The following DNAH1 variants were observed in gnomAD, a reference collection of about 807,000 sequenced individuals.
DNAH1 encodes the protein dynein axonemal heavy chain 1, also known as axonemal beta dynein heavy chain 1.
A neutral mutation model predicts 484.3 loss-of-function variants in DNAH1; 327 were observed. That is an observed-to-expected ratio of 0.68 (90% CI 0.62 to 0.74). DNAH1 has a LOEUF of 0.74. Among genes scored for constraint, DNAH1 ranks in the 30% least tolerant of loss-of-function variants. The probability of loss-of-function intolerance (pLI) is 0.00; values close to 1 mark genes in which losing one functional copy is unlikely to be tolerated. For missense variants in DNAH1, 5,052 were observed against 5,546.8 expected (o/e 0.91, Z 2.83); for synonymous variants, 2,192 against 2,191.9 (o/e 1.00, Z 0.00).
In DNAH1 at chr3:52,378,630, G is replaced by T; in HGVS notation, c.7227G>T (p.Thr2409=). 2 of 1,613,444 alleles carry T rather than the reference G, an allele frequency of 1.2e-6. No individual in the cohort carries two copies. The highest frequency in any genetic ancestry group is 1.7e-6 in the Non-Finnish European group (2 of 1,179,786). The part of the protein sequence containing the change: ...VPGAPHIAHF[T]EPLVEATIMV... The stretch of plus-strand genomic sequence containing the variant: ...GGGCCCCCCACATTGCCCACTTCAC[G>T]GAGCCCCTTGTGGAAGCCACCATCA... Residue 2409 remains threonine (T), a synonymous_variant, in exon 47 of 78, where the codon ACG becomes ACT. Coordinates refer to ENST00000420323, the MANE Select transcript of DNAH1 (RefSeq NM_015512.5).
chr3:52,319,173 A>G (rs965082410), intron 1 of DNAH1, among the ~76,000 whole-genome samples: 2 of 152,168 alleles, frequency 1.3e-5, no homozygotes, highest in Non-Finnish European at 2.9e-5. Flanking sequence ...CAATAATAGT[A>G]GTATCTGCTG....
At chr3:52,373,573 TG>T in intron 44 of DNAH1, 1 of 1,483,158 alleles carries the variant, frequency 6.7e-7, no homozygotes, top group Non-Finnish European at 9.4e-7. Flanking sequence ...CAGCCCATAG[TG>T]AAGAAAGACA....
At position 52,379,849 on chromosome 3, in the gene DNAH1, G is replaced by C; in HGVS notation, c.7378-56G>C. ...CACCCTCCCTTGCCTGGTGGTTTGA[G>C]AGATAGCTGAGGGCTTGGGGGCCAA... On this transcript the variant is annotated intron_variant, in intron 47 of 77. Coordinates refer to ENST00000420323, the MANE Select transcript of DNAH1 (RefSeq NM_015512.5). The surrounding 1 kb of genome is among the most constrained non-coding windows in gnomAD (Gnocchi z 4.4). The C allele has an allele frequency of 6.8e-7, 1 of 1,480,172 alleles. No homozygotes were observed. Among genetic ancestry groups the C allele is most frequent in the Non-Finnish European group, 9.1e-7 (1 of 1,093,714 alleles). The allele number at this position is 1,480,172 out of a possible 1,614,324, so 91.7% of individuals were successfully genotyped here. A position where few individuals can be genotyped will look rare whatever the true frequency, so the allele number is the denominator to read the frequency against.
At chr3:52,394,322 C>A in intron 66 of DNAH1, 143 bp from the exon 67 acceptor site, 1 of 789,902 alleles carries the variant, frequency 1.3e-6, no homozygotes, top group Non-Finnish European at 2.0e-6. Context: ...GAACACTAAC[C>A]CAGACCTGTT....
intron 77 of DNAH1, 98 bp downstream of exon 77, chr3:52,399,877 GA>G (rs997425346): frequency 1.6e-6 from 2 of 1,286,334 alleles, no homozygotes; most frequent in African/African-American, 3.0e-5. Context: ...GCTGAACAAG[GA>G]AGGACAACAG....
intron 8 of DNAH1, among the ~76,000 whole-genome samples, chr3:52,342,679 C>T (rs1344438878): frequency 6.6e-6 from 1 of 152,124 alleles, no homozygotes; most frequent in South Asian, 2.1e-4. Context: ...GACCAGGGAC[C>T]CCTCCGTAGG....
Position 52,345,687 on chromosome 3 carries a change from A to G in DNAH1, c.1637A>G (p.Gln546Arg). 2 of 1,613,020 alleles carry G rather than the reference A, an allele frequency of 1.2e-6. No individual in the cohort carries two copies. The highest frequency in any genetic ancestry group is 1.7e-6 in the Non-Finnish European group (2 of 1,179,468). Residue 546 changes from glutamine to arginine, a missense_variant, in exon 10 of 78, where the codon CAG becomes CGG. By Grantham distance (43) the Gln-to-Arg change is conservative (BLOSUM62 1). Around this residue, in one of 4 missense-constraint regions of DNAH1, gnomAD observed 1,263 missense variants for 1,218.8 expected, o/e 1.04. Coordinates refer to ENST00000420323, the MANE Select transcript of DNAH1 (RefSeq NM_015512.5). ...CACCTGGAGGAATTTGAGCAGATCC[A>G]GTCACAGACCTTCTCCCAGGTTTGT... ...YSHLEEFEQI[Q>R]SQTFSQVQMF...
chr3:52,318,626 G>T (rs190819531), intron 1 of DNAH1, among the ~76,000 whole-genome samples: 2 of 152,372 alleles, frequency 1.3e-5, no homozygotes, highest in Non-Finnish European at 1.5e-5. Context: ...CAAGTTTCCA[G>T]AGATCAGCGT....
rs781056727 is a variant in DNAH1, at chr3:52,388,320, G to T, written c.9157G>T (p.Val3053Leu). 23 of 1,602,508 alleles carry T rather than the reference G, an allele frequency of 1.4e-5. 1 individual carries two copies. In the Middle Eastern group the frequency reaches 9.9e-4, roughly 69 times the overall value. Residue 3053 changes from valine (V) to leucine (L), a missense_variant, in exon 57 of 78, where the codon GTG (valine) becomes TTG (leucine). Around this residue, in one of 4 missense-constraint regions of DNAH1, gnomAD observed 2,929 missense variants for 3,409.4 expected, o/e 0.86. Transcript: ENST00000420323. The part of the protein sequence containing the change: ...MHKYHFVAKA[V>L]EPKRQALLEA... ...CAAGTACCACTTTGTGGCCAAGGCC[G>T]TGGAGCCCAAGCGGGTGAGGGCTGA... is the stretch of plus-strand genomic sequence containing the variant.
At position 52,391,273 on chromosome 3, in the gene DNAH1, T is replaced by C; in HGVS notation, c.9836T>C (p.Leu3279Pro). 1 of 1,613,460 alleles carries C rather than the reference T, an allele frequency of 6.2e-7. No homozygotes were observed. Among genetic ancestry groups the C allele is most frequent in the South Asian group, 1.1e-5 (1 of 90,952 alleles). Residue 3279 changes from leucine to proline, a missense_variant, in exon 62 of 78, where the codon CTG (leucine) becomes CCG (proline). By Grantham distance (98) the Leu-to-Pro change is moderately conservative (BLOSUM62 -3). Transcript: ENST00000420323. ...ATCCGCTTTGGCAAGCCATGTCTCC[T>C]GGAGAACGTGGGCGAGGAGCTAGAC... is the stretch of plus-strand genomic sequence containing the variant. Reference protein sequence around the residue: ...NAIRFGKPCLLENVGEELDPA... With the variant: ...NAIRFGKPCLPENVGEELDPA...
At chr3:52,357,495 A>C (rs1702660896) in intron 22 of DNAH1, 119 bp from the exon 23 acceptor site, 1 of 1,337,548 alleles carries the variant, frequency 7.5e-7, no homozygotes, top group African/African-American at 1.5e-5. Flanking sequence ...ATTTTTCTGC[A>C]TCTTCTTTCC....
chr3:52,370,330 T>C, intron 39 of DNAH1, 101 bp downstream of exon 39: 1 of 1,543,704 alleles, frequency 6.5e-7, no homozygotes, highest in South Asian at 1.2e-5. Context: ...TGGTGCAACA[T>C]GGTGCAACAT....
intron 15 of DNAH1, among the ~76,000 whole-genome samples, 166 bp from the exon 16 acceptor site, chr3:52,350,342 T>C (rs1169449379): frequency 1.3e-5 from 2 of 152,056 alleles, no homozygotes; most frequent in East Asian, 3.9e-4. Flanking sequence ...CTAGGAGCCC[T>C]GAGCCTGATG....
rs1702158521 is a variant in DNAH1, at chr3:52,346,708, C to T, written c.1893C>T (p.Cys631=). The T allele has an allele frequency of 5.6e-6, 9 of 1,613,840 alleles. No homozygotes were observed. Among genetic ancestry groups the T allele is most frequent in the Non-Finnish European group, 7.6e-6 (9 of 1,179,850 alleles). ...CACAGTTCATCAGCGACACCTGTTG[C>T]AGCGTGCTCAACTGCACCGATGACA... The part of the protein sequence containing the change: ...SFSQFISDTC[C]SVLNCTDDMV... The change falls in exon 11 of 78, where the codon TGC becomes TGT. Residue 631 remains cysteine (C), a synonymous_variant. Transcript: ENST00000420323.
rs188458431 is a variant in DNAH1, at chr3:52,352,150, C to T, written c.2871+47C>T. On this transcript the variant is annotated intron_variant, in intron 17 of 77. Transcript: ENST00000420323. ...GGTGCTGGACACAGCCCCCACCACA[C>T]GCACGCACAGTTCTCCAGGGCCTGG... The T allele has an allele frequency of 5.4e-5, 84 of 1,548,362 alleles. No individual in the cohort carries two copies. The African/African-American group carries it at 8.5e-4, about 16-fold the overall frequency.
intron 2 of DNAH1, 80 bp downstream of exon 2, chr3:52,322,855 A>G: frequency 3.3e-6 from 4 of 1,223,452 alleles, no homozygotes; most frequent in South Asian, 1.3e-5. Context: ...CCTTCTCCCC[A>G]TCAGTCAGTC....
chr3:52,353,789 G>A lies in DNAH1; in HGVS notation c.3480+156G>A, dbSNP rs1046649687. 3.6e-5 allele frequency: 35 copies of A among 967,186 alleles called. No individual in the cohort carries two copies. The African/African-American group carries it at 5.6e-4, about 15-fold the overall frequency. 59.9% of individuals were successfully genotyped at this position (967,186 alleles called of 1,614,324 possible). On this transcript the variant is annotated intron_variant, in intron 20 of 77. Transcript: ENST00000420323. The surrounding 1 kb of genome is among the most constrained non-coding windows in gnomAD (Gnocchi z 5.0). ...GGGGTTGAGATGCATTCTATTAAGT[G>A]AGTTAATAATGCACATAAAATTCTT...
At chr3:52,349,568 C>T (rs1702287173) in intron 14 of DNAH1, 148 bp downstream of exon 14, 6 of 783,494 alleles carry the variant, frequency 7.7e-6, no homozygotes, top group Non-Finnish European at 1.2e-5. Context: ...TGGAAATCAC[C>T]CTGCCCCATC....
chr3:52,366,534 T>C lies in DNAH1; in HGVS notation c.5596T>C (p.Ser1866Pro). The C allele has an allele frequency of 6.3e-7, 1 of 1,595,884 alleles. No individual in the cohort carries two copies. Among genetic ancestry groups the C allele is most frequent in the Non-Finnish European group, 8.5e-7 (1 of 1,171,872 alleles). ...HGLMLVGPTG[S>P]GKSTCYRVLA... ...CCTCATGCTCGTCGGGCCCACAGGC[T>C]CCGGCAAGAGTACTGTAAGCAGAGC... Residue 1866 changes from serine (S) to proline (P), a missense_variant, in exon 35 of 78, where the codon TCC becomes CCC. This residue lies in a region of DNAH1 where 2,929 missense variants were observed against 3,409.4 expected (regional missense o/e 0.86). Transcript: ENST00000420323.
Sources: gnomAD v4.1 joint callset for allele counts (sites outside exome capture counted in the v4.1 genomes callset) on GRCh38, gnomAD v4.1.1 for gene constraint, gnomAD v4.1.1 regional missense constraint, Gnocchi (gnomAD v3.1) non-coding constraint, MANE v1.5 for transcripts, NCBI Gene and HGNC (gene_info 2026-07-23, HGNC 2026-07-21) for gene names.